MPZL3: variants seen among roughly 807,000 people sequenced by gnomAD.
MPZL3 encodes the protein myelin protein zero-like protein 3.
In MPZL3, 23 loss-of-function variants were observed where a neutral mutation model predicts 24.8. The observed-to-expected ratio is 0.93, with a 90% CI of 0.67 to 1.31. The LOEUF (loss-of-function observed/expected upper bound fraction) is 1.31, where lower values mean the gene tolerates loss of function less well. Ranked by LOEUF, MPZL3 falls within the 40% of genes most tolerant of loss-of-function variation. MPZL3 has a pLI of 0.00. For synonymous variants in MPZL3, 99 were observed against 106.5 expected (o/e 0.93, Z 0.44); for missense variants, 277 against 294.9 (o/e 0.94, Z 0.44).
Position 118,229,838 on chromosome 11 carries a change from T to A in MPZL3, c.*56A>T. On this transcript the variant is annotated 3_prime_UTR_variant, in exon 6 of 6. Transcript: ENST00000278949. ...TTCTCTGACAGGCTTTAGCTGCCAG[T>A]GGAATGGGATGTTTCCTGTCTTTAG... 6.3e-7 allele frequency: 1 copy of A among 1,584,294 alleles called. No homozygotes were observed. The highest frequency in any genetic ancestry group is 8.7e-7 in the Non-Finnish European group (1 of 1,154,006).
At chr11:118,234,880 G>A (rs1249897410) in intron 4 of MPZL3, among the ~76,000 whole-genome samples, 1 of 151,892 alleles carries the variant, frequency 6.6e-6, no homozygotes, top group African/African-American at 2.4e-5. Context: ...TATTTTTAGG[G>A]AATTTACTAG....
intron 3 of MPZL3, among the ~76,000 whole-genome samples, chr11:118,236,089 T>C (rs1793138): frequency 0.09 from 13,749 of 152,188 alleles, 2,073 homozygotes; most frequent in African/African-American, 0.31. Context: ...TCTTCATCTT[T>C]AGCTCTAATT....
chr11:118,237,598 G>A (rs575600305), intron 2 of MPZL3, among the ~76,000 whole-genome samples: 1 of 152,156 alleles, frequency 6.6e-6, no homozygotes, highest in Admixed American at 6.5e-5. Flanking sequence ...GATGCTACCG[G>A]CATCTAGTGG....
At chr11:118,244,526 A>G (rs1949535063) in intron 1 of MPZL3, among the ~76,000 whole-genome samples, 1 of 152,226 alleles carries the variant, frequency 6.6e-6, no homozygotes, top group Non-Finnish European at 1.5e-5. Flanking sequence ...TTCTAGGCAG[A>G]AGACACAGCA....
rs371663195 is a variant in MPZL3 at position 118,235,571 on chromosome 11, G to C, written c.470C>G (p.Ser157Cys). The change falls in exon 4 of 6, where the codon TCC (serine) becomes TGC (cysteine). Residue 157 changes from serine to cysteine, a missense_variant. Ser to Cys is a moderately radical substitution (Grantham distance 112, BLOSUM62 -1). Coordinates refer to ENST00000278949, the MANE Select transcript of MPZL3 (RefSeq NM_198275.3). ...AAGGATGGAAAGAAGGGCCACAGAG[G>C]AAAGCATGGTGCCAAAACCTAGAGG... is the stretch of plus-strand genomic sequence containing the variant. ...VTERGFGTMLSSVALLSILVF... is the reference protein window; with the variant it reads ...VTERGFGTMLCSVALLSILVF... 37 of 1,613,866 alleles carry C rather than the reference G, an allele frequency of 2.3e-5. No homozygotes were observed. The highest frequency in any genetic ancestry group is 2.8e-5 in the Non-Finnish European group (33 of 1,179,884).
chr11:118,252,053 A>C (rs1340274748), intron 1 of MPZL3, among the ~76,000 whole-genome samples, 169 bp downstream of exon 1: 1 of 152,172 alleles, frequency 6.6e-6, no homozygotes, highest in Non-Finnish European at 1.5e-5. Flanking sequence ...AATACCAACT[A>C]TCCTCAACGG....
intron 1 of MPZL3, among the ~76,000 whole-genome samples, chr11:118,251,218 A>G (rs1332815630): frequency 1.3e-5 from 2 of 151,986 alleles, no homozygotes; most frequent in Non-Finnish European, 2.9e-5. Flanking sequence ...GAGACTTATG[A>G]TGACACAGGC....
Position 118,233,441 on chromosome 11 carries a change from A to G in MPZL3, c.681+19T>C. The G allele has an allele frequency of 1.2e-6, 2 of 1,613,692 alleles. No homozygotes were observed. Among genetic ancestry groups the G allele is most frequent in the Non-Finnish European group, 1.7e-6 (2 of 1,179,744 alleles). ...AAGTGGGACATCAACAGTAAGCAGAAGGAATGGCATGCACTTACCAGGCAC... is the reference window on the plus strand; with the variant it reads ...AAGTGGGACATCAACAGTAAGCAGAGGGAATGGCATGCACTTACCAGGCAC... On this transcript the variant is annotated intron_variant, in intron 5 of 5. Coordinates refer to ENST00000278949, the MANE Select transcript of MPZL3 (RefSeq NM_198275.3).
At position 118,240,732 on chromosome 11, in the gene MPZL3, G is replaced by GACACACACAC. The variant is rs56100329; in HGVS notation, c.74-365_74-356dup. Among the ~76,000 whole-genome samples, 107 of 121,626 alleles carry GACACACACAC rather than the reference G, an allele frequency of 8.8e-4. 2 individuals carry two copies. Among genetic ancestry groups the GACACACACAC allele is most frequent in the Non-Finnish European group, 1.4e-3 (79 of 58,092 alleles). The allele number at this position is 121,626 out of a possible 152,430, so 79.8% of individuals were successfully genotyped here. A position where few individuals can be genotyped will look rare whatever the true frequency, so the allele number is the denominator to read the frequency against. ...CACCCATCCCCTTCCATCCCCCGCA[G>GACACACACAC]ACACACACACACACACACACACACA... On this transcript the variant is annotated intron_variant, in intron 1 of 5. Coordinates refer to ENST00000278949, the MANE Select transcript of MPZL3 (RefSeq NM_198275.3).
chr11:118,251,974 T>G (rs1390191398), intron 1 of MPZL3, among the ~76,000 whole-genome samples: 3 of 152,172 alleles, frequency 2.0e-5, no homozygotes, highest in East Asian at 1.9e-4. Flanking sequence ...TCAAGTATGC[T>G]ATCACCAAAC....
intron 1 of MPZL3, among the ~76,000 whole-genome samples, chr11:118,248,860 C>T (rs12364013): frequency 0.42 from 63,367 of 151,854 alleles, 15,083 homozygotes; most frequent in South Asian, 0.72. Context: ...TTTTTTCCCC[C>T]GTACTGGTAG....
chr11:118,230,011 G>A, intron 5 of MPZL3, 91 bp from the exon 6 acceptor site: 1 of 1,192,426 alleles, frequency 8.4e-7, no homozygotes, highest in Non-Finnish European at 1.2e-6. Context: ...AATGGAACCT[G>A]GCTTGGGGAG....
In MPZL3 at chr11:118,240,344, G is replaced by A; in HGVS notation, c.107C>T (p.Ala36Val). The A allele has an allele frequency of 6.2e-7, 1 of 1,607,356 alleles. No individual in the cohort carries two copies. The highest frequency in any genetic ancestry group is 8.5e-7 in the Non-Finnish European group (1 of 1,177,858). Residue 36 changes from alanine (A) to valine (V), a missense_variant, in exon 2 of 6, where the codon GCA becomes GTA. Physicochemically the swap from Ala to Val is moderately conservative, Grantham distance 64. Transcript: ENST00000278949. Reference sequence around the variant, plus strand: ...AACATAACCTCGGACATGGGCATCTGCACGAATCTCCAAGGAAAAGACGAT... The same window carrying A: ...AACATAACCTCGGACATGGGCATCTACACGAATCTCCAAGGAAAAGACGAT... ...VYIVFSLEIR[A>V]DAHVRGYVGE...
intron 1 of MPZL3, among the ~76,000 whole-genome samples, chr11:118,242,192 G>C (rs1949506277): frequency 6.6e-6 from 1 of 152,178 alleles, no homozygotes; most frequent in Non-Finnish European, 1.5e-5. Flanking sequence ...GCTACTTTCT[G>C]GTTGTGAGAC....
intron 1 of MPZL3, among the ~76,000 whole-genome samples, chr11:118,241,531 A>T (rs1199131637): frequency 6.6e-6 from 1 of 152,186 alleles, no homozygotes; most frequent in African/African-American, 2.4e-5. Context: ...AACAGTACTT[A>T]CCTCAGAAGG....
chr11:118,246,267 T>A lies in MPZL3; in HGVS notation c.74-5890A>T, dbSNP rs1206806332. On this transcript the variant is annotated intron_variant, in intron 1 of 5. Coordinates refer to ENST00000278949, the MANE Select transcript of MPZL3 (RefSeq NM_198275.3). ...GTAGATTTAACAACCACTAACAGGA[T>A]AATGATTTCCCAATCTATATTACTA... is the stretch of plus-strand genomic sequence containing the variant. 2.0e-5 allele frequency among the ~76,000 whole-genome samples: 3 copies of A among 152,218 alleles called. No individual in the cohort carries two copies. The East Asian group carries it at 5.8e-4, about 29-fold the overall frequency.
At chr11:118,236,271 A>G (rs1039589909) in intron 3 of MPZL3, among the ~76,000 whole-genome samples, 2 of 152,084 alleles carry the variant, frequency 1.3e-5, no homozygotes, top group Admixed American at 1.3e-4. Flanking sequence ...TAAAAGAAAA[A>G]AGAAAGAGAG....
chr11:118,250,147 G>A (rs1314661738), intron 1 of MPZL3, among the ~76,000 whole-genome samples: 2 of 149,802 alleles, frequency 1.3e-5, no homozygotes, highest in Non-Finnish European at 3.0e-5. Context: ...GATAACAGGG[G>A]CATGTCACCA....
At chr11:118,240,511 G>A (rs1370216898) in intron 1 of MPZL3, 134 bp from the exon 2 acceptor site, 1 of 805,656 alleles carries the variant, frequency 1.2e-6, no homozygotes, top group African/African-American at 1.9e-5. Context: ...TCTCAGGCAA[G>A]CCCACAAGGG....
Sources: gnomAD v4.1 joint callset for allele counts (sites outside exome capture counted in the v4.1 genomes callset) on GRCh38, gnomAD v4.1.1 for gene constraint, MANE v1.5 for transcripts, NCBI Gene and HGNC (gene_info 2026-07-23, HGNC 2026-07-21) for gene names.